PPARA: variants seen among roughly 807,000 people sequenced by gnomAD.
The protein encoded by PPARA is peroxisome proliferator-activated receptor alpha.
In PPARA, 22 loss-of-function variants were observed where a neutral mutation model predicts 42.2. That is an observed-to-expected ratio of 0.52 (90% CI 0.37 to 0.74). The LOEUF (loss-of-function observed/expected upper bound fraction) is 0.74, where lower values mean the gene tolerates loss of function less well. Among genes scored for constraint, PPARA ranks in the 30% least tolerant of loss-of-function variants. The pLI is 0.00. For missense variants in PPARA, 465 were observed against 608.2 expected (o/e 0.76, Z 2.48); for synonymous variants, 242 against 239.3 (o/e 1.01, Z -0.10).
At chr22:46,164,761 T>A (rs1183439021) in intron 2 of PPARA, 11 of 152,250 alleles carry the variant, frequency 7.2e-5, no homozygotes. Context: ...GTTTTCTGTT[T>A]GAAAATTTTA....
At position 46,240,821 on chromosome 22, in the gene PPARA, C is replaced by T. The variant is rs1936352092; in HGVS notation, c.*5441C>T. 6.6e-6 allele frequency: 1 copy of T among 152,282 alleles called. No homozygotes were observed. The highest frequency in any genetic ancestry group is 2.4e-5 in the African/African-American group (1 of 41,460). 9.4% of individuals were successfully genotyped at this position (152,282 alleles called of 1,614,324 possible). A position where few individuals can be genotyped will look rare whatever the true frequency, so the allele number is the denominator to read the frequency against. The stretch of plus-strand genomic sequence containing the variant: ...TAGCTGCACTGGAATTTCTTACCAA[C>T]CAAATATTTGCATCGAGCAAAGGGG... On this transcript the variant is annotated 3_prime_UTR_variant, in exon 9 of 9. Transcript: ENST00000407236. The surrounding 1 kb of genome is among the most constrained non-coding windows in gnomAD (Gnocchi z 6.0).
intron 4 of PPARA, among the ~76,000 whole-genome samples, chr22:46,207,648 TTA>T (rs1205093986): frequency 2.1e-4 from 19 of 91,788 alleles, no homozygotes; most frequent in South Asian, 1.9e-3. Context: ...AATTAATTTA[TTA>T]TTATTATTAT....
intron 3 of PPARA, among the ~76,000 whole-genome samples, chr22:46,189,407 A>G (rs1223897176): frequency 6.6e-6 from 1 of 152,222 alleles, no homozygotes; most frequent in Non-Finnish European, 1.5e-5. Context: ...CTCTTGTGCC[A>G]TGTTGGGCTT....
In PPARA at chr22:46,193,977, A is replaced by C. The variant is rs1397961313; in HGVS notation, c.-42-4365A>C. Among the ~76,000 whole-genome samples the C allele has an allele frequency of 6.6e-6, 1 of 152,186 alleles. No individual in the cohort carries two copies. Among genetic ancestry groups the C allele is most frequent in the East Asian group, 1.9e-4 (1 of 5,200 alleles). ...TCGATTAGCTGGACAGCGGCATGTCATGTGGGTAATAGGAAGGGGTGGGGA... is the reference window on the plus strand; with the variant it reads ...TCGATTAGCTGGACAGCGGCATGTCCTGTGGGTAATAGGAAGGGGTGGGGA... On this transcript the variant is annotated intron_variant, in intron 3 of 8. Transcript: ENST00000407236. The surrounding 1 kb of genome is among the most constrained non-coding windows in gnomAD (Gnocchi z 5.3).
chr22:46,200,493 G>GAAA lies in PPARA; in HGVS notation c.208+1904_208+1906dup, dbSNP rs1222413588. 6.6e-6 allele frequency among the ~76,000 whole-genome samples: 1 copy of GAAA among 152,250 alleles called. No homozygotes were observed. The highest frequency in any genetic ancestry group is 1.5e-5 in the Non-Finnish European group (1 of 68,038). On this transcript the variant is annotated intron_variant, in intron 4 of 8. Transcript: ENST00000407236. This position sits in a 1 kb window ranked among gnomAD's most constrained non-coding sequence, Gnocchi z 4.8. Reference sequence around the variant, plus strand: ...TCTAAACATACCAAAACATATAGTAGAAAAGGTTACAGCAAAAATACAGTA... The same window carrying GAAA: ...TCTAAACATACCAAAACATATAGTAGAAAAAAAGGTTACAGCAAAAATACAGTA...
intron 2 of PPARA, among the ~76,000 whole-genome samples, chr22:46,154,177 C>A (rs570200693): frequency 6.6e-6 from 1 of 152,292 alleles, no homozygotes; most frequent in East Asian, 1.9e-4. Context: ...GATTTTCATA[C>A]CAGAATATAA....
rs1934548317 is a variant in PPARA at position 46,216,948 on chromosome 22, G to T, written c.370-1315G>T. On this transcript the variant is annotated intron_variant, in intron 5 of 8. Transcript: ENST00000407236. The surrounding 1 kb of genome is among the most constrained non-coding windows in gnomAD (Gnocchi z 4.5). ...TTTGAATCAGAAATCCCTTCTCACG[G>T]TGCACGCTGCAGGTGTTCACTAACT... Among the ~76,000 whole-genome samples, 1 of 152,186 alleles carries T rather than the reference G, an allele frequency of 6.6e-6. No homozygotes were observed. Among genetic ancestry groups the T allele is most frequent in the African/African-American group, 2.4e-5 (1 of 41,440 alleles).
In PPARA at chr22:46,173,023, C is replaced by T. The variant is rs1928338334; in HGVS notation, c.-126-3730C>T. On this transcript the variant is annotated intron_variant, in intron 2 of 8. Coordinates refer to ENST00000407236, the MANE Select transcript of PPARA (RefSeq NM_005036.6). The surrounding 1 kb of genome is among the most constrained non-coding windows in gnomAD (Gnocchi z 4.3). ...TTTACCCTTAAATGGCTTGCTTCTG[C>T]TCCCTTAGTGTTCTTGTCACTTTAA... Among the ~76,000 whole-genome samples the T allele has an allele frequency of 6.6e-6, 1 of 152,210 alleles. No individual in the cohort carries two copies. Among genetic ancestry groups the T allele is most frequent in the Non-Finnish European group, 1.5e-5 (1 of 68,042 alleles).
chr22:46,220,072 G>A (rs770538031), intron 7 of PPARA, 58 bp downstream of exon 7: 19 of 1,549,866 alleles, frequency 1.2e-5, no homozygotes, highest in Non-Finnish European at 1.7e-5. Flanking sequence ...TGTCGTAGAG[G>A]ACGATTAAGG....
At position 46,236,593 on chromosome 22, in the gene PPARA, A is replaced by T. The variant is rs1302883709; in HGVS notation, c.*1213A>T. On this transcript the variant is annotated 3_prime_UTR_variant, in exon 9 of 9. Coordinates refer to ENST00000407236, the MANE Select transcript of PPARA (RefSeq NM_005036.6). This position sits in a 1 kb window ranked among gnomAD's most constrained non-coding sequence, Gnocchi z 5.2. ...ACTTGTCAGTGTTCCTCCGGGCCCC[A>T]TTTGGCAGCTCCCGTATCTTTTGTT... 1 of 152,550 alleles carries T rather than the reference A, an allele frequency of 6.6e-6. No homozygotes were observed. The highest frequency in any genetic ancestry group is 1.5e-5 in the Non-Finnish European group (1 of 68,054). 9.4% of individuals were successfully genotyped at this position (152,550 alleles called of 1,614,324 possible). A position where few individuals can be genotyped will look rare whatever the true frequency, so the allele number is the denominator to read the frequency against.
chr22:46,159,404 G>C (rs373895684), intron 2 of PPARA, among the ~76,000 whole-genome samples: 1 of 152,268 alleles, frequency 6.6e-6, no homozygotes, highest in Admixed American at 6.5e-5. Context: ...TGAGTTGTAC[G>C]ATTGTCGTTT....
chr22:46,174,634 TAGTG>T (rs1928735175), intron 2 of PPARA, among the ~76,000 whole-genome samples: 1 of 151,716 alleles, frequency 6.6e-6, no homozygotes, highest in Non-Finnish European at 1.5e-5. Flanking sequence ...CTGGGAAACA[TAGTG>T]AGACCCTGTC....
At chr22:46,153,091 T>C (rs557813378) in intron 2 of PPARA, among the ~76,000 whole-genome samples, 8 of 147,732 alleles carry the variant, frequency 5.4e-5, no homozygotes, top group Admixed American at 4.0e-4. Flanking sequence ...GTCTCAAAAA[T>C]AAATAAATAA....
At chr22:46,214,366 G>C (rs1179794682) in intron 4 of PPARA, among the ~76,000 whole-genome samples, 1 of 150,696 alleles carries the variant, frequency 6.6e-6, no homozygotes, top group Non-Finnish European at 1.5e-5. Context: ...GGAAATGTGG[G>C]GGTCCGGAGG....
In PPARA at chr22:46,234,994, C is replaced by A. The variant is rs540503386; in HGVS notation, c.1160-139C>A. On this transcript the variant is annotated intron_variant, in intron 8 of 8. Transcript: ENST00000407236. The surrounding 1 kb of genome is among the most constrained non-coding windows in gnomAD (Gnocchi z 5.8). ...GAAAAACCTATGTCTATCTTCCAGT[C>A]AAGTTGACAATATCTAAAGGCAGCT... is the stretch of plus-strand genomic sequence containing the variant. The A allele has an allele frequency of 3.4e-6, 4 of 1,182,208 alleles. No homozygotes were observed. The highest frequency in any genetic ancestry group is 1.5e-5 in the African/African-American group (1 of 65,968). 73.2% of individuals were successfully genotyped at this position (1,182,208 alleles called of 1,614,324 possible).
chr22:46,154,675 TTA>T (rs1924985278), intron 2 of PPARA, among the ~76,000 whole-genome samples: 1 of 151,888 alleles, frequency 6.6e-6, no homozygotes, highest in Non-Finnish European at 1.5e-5. Context: ...TTTTATTTAT[TTA>T]TTTATTTATT....
Position 46,195,162 on chromosome 22 carries a change from C to T in PPARA, c.-42-3180C>T, listed in dbSNP as rs1932081216. Among the ~76,000 whole-genome samples, 1 of 152,148 alleles carries T rather than the reference C, an allele frequency of 6.6e-6. No individual in the cohort carries two copies. Among genetic ancestry groups the T allele is most frequent in the Admixed American group, 6.6e-5 (1 of 15,258 alleles). On this transcript the variant is annotated intron_variant, in intron 3 of 8. Coordinates refer to ENST00000407236, the MANE Select transcript of PPARA (RefSeq NM_005036.6). The surrounding 1 kb of genome is among the most constrained non-coding windows in gnomAD (Gnocchi z 4.6). Reference sequence around the variant, plus strand: ...AAGTGATCTGCCCGCCTCAGCCTCCCAAAGTGCTGGGATTACAGGTGTGAG... The same window carrying T: ...AAGTGATCTGCCCGCCTCAGCCTCCTAAAGTGCTGGGATTACAGGTGTGAG...
chr22:46,217,819 C>CTTTTTTTTTTTTTT lies in PPARA; in HGVS notation c.370-428_370-415dup, dbSNP rs60894989. ...GACTTCTTAGAAGAACTATTTCTTT[C>CTTTTTTTTTTTTTT]TTTTTTTTTTTTTTTTTTTTTTTTT... On this transcript the variant is annotated intron_variant, in intron 5 of 8. Coordinates refer to ENST00000407236, the MANE Select transcript of PPARA (RefSeq NM_005036.6). 1.0e-3 allele frequency among the ~76,000 whole-genome samples: 78 copies of CTTTTTTTTTTTTTT among 77,056 alleles called. 13 individuals are homozygous for CTTTTTTTTTTTTTT. The highest frequency in any genetic ancestry group is 4.8e-3 in the African/African-American group (77 of 16,190). The allele number at this position is 77,056 out of a possible 152,430, so 50.6% of individuals were successfully genotyped here. A position where few individuals can be genotyped will look rare whatever the true frequency, so the allele number is the denominator to read the frequency against.
At chr22:46,157,454 T>C (rs911667168) in intron 2 of PPARA, among the ~76,000 whole-genome samples, 4 of 152,148 alleles carry the variant, frequency 2.6e-5, no homozygotes, top group Admixed American at 2.6e-4. Context: ...CTTCCTTCTG[T>C]AGGGAGCAGG....
Sources: allele counts gnomAD v4.1 joint callset (sites outside exome capture counted in the v4.1 genomes callset), GRCh38; gene constraint gnomAD v4.1.1; non-coding constraint Gnocchi (gnomAD v3.1); transcripts MANE v1.5; gene names NCBI Gene and HGNC (gene_info 2026-07-23, HGNC 2026-07-21).